The following PRKN variants were observed in gnomAD, a reference collection of about 807,000 sequenced individuals.
The protein encoded by PRKN is E3 ubiquitin-protein ligase parkin.
Under a neutral mutation model 59.5 loss-of-function variants are expected in PRKN, and 56 were observed. That is an observed-to-expected ratio of 0.94 (90% confidence interval 0.76 to 1.18). The LOEUF (loss-of-function observed/expected upper bound fraction) is 1.18, where lower values mean the gene tolerates loss of function less well. PRKN is among the 50% of genes most tolerant of loss of function. The pLI is 0.00. For synonymous variants in PRKN, 250 were observed against 222.1 expected (o/e 1.13, Z -1.12); for missense variants, 657 against 596.4 (o/e 1.10, Z -1.06).
intron 3 of PRKN, among the ~76,000 whole-genome samples, chr6:162,221,750 AACTC>A (rs1171591936): frequency 2.6e-5 from 4 of 151,906 alleles, no homozygotes; most frequent in Admixed American, 6.6e-5. Context: ...ATTCAGGTAA[AACTC>A]AATAAGTTCA....
chr6:162,661,115 GC>G (rs1005516346), intron 1 of PRKN, among the ~76,000 whole-genome samples: 13 of 152,140 alleles, frequency 8.5e-5, no homozygotes, highest in African/African-American at 3.1e-4. Context: ...TACAAAATTA[GC>G]CAGGAGTGGT....
rs184117958 is a variant in PRKN at position 161,846,244 on chromosome 6, C to T, written c.735-60336G>A. Among the ~76,000 whole-genome samples the T allele has an allele frequency of 3.1e-3, 468 of 152,220 alleles. 6 individuals are homozygous for T. The highest frequency in any genetic ancestry group is 0.021 in the South Asian group (101 of 4,810). On this transcript the variant is annotated intron_variant, in intron 6 of 11. Coordinates refer to ENST00000366898, the MANE Select transcript of PRKN (RefSeq NM_004562.3). ...CCAATGTCTCACACTCCCTTTCATT[C>T]GAGCGACCAAGTCCTGCTCACATAT...
chr6:161,624,522 G>A (rs573567693), intron 7 of PRKN, among the ~76,000 whole-genome samples: 1 of 152,340 alleles, frequency 6.6e-6, no homozygotes, highest in South Asian at 2.1e-4. Flanking sequence ...CTCTGGCAGT[G>A]TTTCATGCTT....
At chr6:162,399,680 T>C (rs139892983) in intron 2 of PRKN, among the ~76,000 whole-genome samples, 2 of 151,370 alleles carry the variant, frequency 1.3e-5, no homozygotes, top group African/African-American at 4.9e-5. Context: ...TAGTAAGAAA[T>C]GAAAACCAAA....
intron 2 of PRKN, among the ~76,000 whole-genome samples, chr6:162,397,531 T>C (rs1787537108): frequency 6.6e-6 from 1 of 151,902 alleles, no homozygotes; most frequent in Non-Finnish European, 1.5e-5. Context: ...CAAGCAAATA[T>C]AACATGGTCC....
At chr6:161,611,197 C>A (rs368003004) in intron 7 of PRKN, among the ~76,000 whole-genome samples, 7 of 152,118 alleles carry the variant, frequency 4.6e-5, no homozygotes, top group African/African-American at 1.7e-4. Context: ...ATCAATGGAA[C>A]CACCAGGCGT....
Position 161,361,652 on chromosome 6 carries a change from TG to T in PRKN, c.1168-1448del, listed in dbSNP as rs1466059448. 6.6e-6 allele frequency among the ~76,000 whole-genome samples: 1 copy of T among 152,214 alleles called. No individual in the cohort carries two copies. Among genetic ancestry groups the T allele is most frequent in the African/African-American group, 2.4e-5 (1 of 41,452 alleles). On this transcript the variant is annotated intron_variant, in intron 10 of 11. Coordinates refer to ENST00000366898, the MANE Select transcript of PRKN (RefSeq NM_004562.3). The surrounding 1 kb of genome is among the most constrained non-coding windows in gnomAD (Gnocchi z 5.2). ...ACAAGCTTTGCCTAGGGCTGGTCACTGGGTGAAGCCAATTTCGTTTCTGTTA... is the reference window on the plus strand; with the variant it reads ...ACAAGCTTTGCCTAGGGCTGGTCACTGGTGAAGCCAATTTCGTTTCTGTTA...
chr6:161,862,551 C>G (rs753599370), intron 6 of PRKN, among the ~76,000 whole-genome samples: 11 of 152,068 alleles, frequency 7.2e-5, no homozygotes, highest in Non-Finnish European at 1.3e-4. Context: ...AAAGGGATCT[C>G]AAGAGTATAA....
At chr6:161,942,462 C>T (rs1220296739) in intron 6 of PRKN, among the ~76,000 whole-genome samples, 1 of 151,968 alleles carries the variant, frequency 6.6e-6, no homozygotes, top group Non-Finnish European at 1.5e-5. Context: ...ACCCAGGAGG[C>T]GGAGGTTGCA....
At chr6:162,030,813 C>T (rs1233163808) in intron 5 of PRKN, among the ~76,000 whole-genome samples, 1 of 152,138 alleles carries the variant, frequency 6.6e-6, no homozygotes, top group African/African-American at 2.4e-5. Flanking sequence ...GTGATGGACA[C>T]CCTCCTGGAG....
intron 1 of PRKN, among the ~76,000 whole-genome samples, chr6:162,603,033 T>C (rs965306268): frequency 1.3e-5 from 2 of 152,136 alleles, no homozygotes; most frequent in African/African-American, 2.4e-5. Context: ...CCAGGATGCA[T>C]TGCTATTATG....
intron 6 of PRKN, among the ~76,000 whole-genome samples, chr6:161,829,117 T>C (rs756238050): frequency 1.3e-5 from 2 of 152,016 alleles, no homozygotes; most frequent in Admixed American, 1.3e-4. Context: ...TCCCAGCTAC[T>C]TGGGAGGCTG....
chr6:161,938,241 T>G lies in PRKN; in HGVS notation c.734+35061A>C, dbSNP rs79499964. ...GCTTACCAGGCTCCAGCGATACAGA[T>G]GGGAAGACAGGTAAAATCCTGGCAC... is the stretch of plus-strand genomic sequence containing the variant. On this transcript the variant is annotated intron_variant, in intron 6 of 11. Transcript: ENST00000366898. Among the ~76,000 whole-genome samples the G allele has an allele frequency of 1.9e-3, 287 of 152,284 alleles. 1 individual carries two copies. Among genetic ancestry groups the G allele is most frequent in the African/African-American group, 6.7e-3 (279 of 41,556 alleles).
At chr6:162,131,900 T>A (rs1482809604) in intron 4 of PRKN, among the ~76,000 whole-genome samples, 1 of 152,218 alleles carries the variant, frequency 6.6e-6, no homozygotes, top group Non-Finnish European at 1.5e-5. Context: ...GGTTGGCAAG[T>A]GCTTCAGTCA....
chr6:161,742,387 C>T lies in PRKN; in HGVS notation c.871+43385G>A, dbSNP rs549576532. Among the ~76,000 whole-genome samples the T allele has an allele frequency of 5.9e-5, 9 of 152,286 alleles. 1 individual carries two copies. The highest frequency in any genetic ancestry group is 4.1e-4 in the South Asian group (2 of 4,820). On this transcript the variant is annotated intron_variant, in intron 7 of 11. Transcript: ENST00000366898. ...GTGAGGCTTCTCCAGCCATGTGGAACGGTGAGTCAATTAAACCTCTTTCCT... is the reference window on the plus strand; with the variant it reads ...GTGAGGCTTCTCCAGCCATGTGGAATGGTGAGTCAATTAAACCTCTTTCCT...
rs867704598 is a variant in PRKN, at chr6:162,458,658, T to C, written c.8-15185A>G. Among the ~76,000 whole-genome samples the C allele has an allele frequency of 8.6e-3, 1,272 of 147,646 alleles. 11 individuals carry two copies. The highest frequency in any genetic ancestry group is 0.03 in the African/African-American group (1,215 of 40,738). On this transcript the variant is annotated intron_variant, in intron 1 of 11. Coordinates refer to ENST00000366898, the MANE Select transcript of PRKN (RefSeq NM_004562.3). ...CTTTTTGTTGCCTTTTTTTTTTTTT[T>C]TCCCAGTGGCAGCTTGTAACTTTAT... is the stretch of plus-strand genomic sequence containing the variant.
intron 3 of PRKN, among the ~76,000 whole-genome samples, chr6:162,220,418 T>G (rs559038535): frequency 6.6e-6 from 1 of 152,214 alleles, no homozygotes; most frequent in Non-Finnish European, 1.5e-5. Context: ...GTCTGGAATC[T>G]TCAGGAATGA....
At chr6:162,084,925 T>C (rs774014897) in intron 4 of PRKN, among the ~76,000 whole-genome samples, 2 of 151,878 alleles carry the variant, frequency 1.3e-5, no homozygotes, top group Non-Finnish European at 2.9e-5. Context: ...ATCAGTAACC[T>C]GAACTTCATT....
intron 6 of PRKN, among the ~76,000 whole-genome samples, chr6:161,914,296 G>A (rs907921962): frequency 2.6e-5 from 4 of 152,108 alleles, no homozygotes; most frequent in African/African-American, 9.7e-5. Context: ...AAGCTGTAAA[G>A]TAGAATTTAC....
Sources: allele counts gnomAD v4.1 joint callset (sites outside exome capture counted in the v4.1 genomes callset), GRCh38; gene constraint gnomAD v4.1.1; non-coding constraint Gnocchi (gnomAD v3.1); transcripts MANE v1.5; gene names NCBI Gene and HGNC (gene_info 2026-07-23, HGNC 2026-07-21).